The following IL1RAPL1 variants were observed in gnomAD, a reference collection of about 807,000 sequenced individuals.
IL1RAPL1 encodes interleukin-1 receptor accessory protein-like 1.
In IL1RAPL1, 3 loss-of-function variants were observed where a neutral mutation model predicts 48.4. That is an observed-to-expected ratio of 0.06 (90% CI 0.03 to 0.16). IL1RAPL1 has a LOEUF of 0.16. IL1RAPL1 is among the 10% of genes least tolerant of loss of function. The probability of loss-of-function intolerance (pLI) is 1.00; values close to 1 mark genes in which losing one functional copy is unlikely to be tolerated. For missense variants in IL1RAPL1, 349 were observed against 530.6 expected, an observed-to-expected ratio of 0.66 and a Z score of 3.36; for synonymous variants, 185 against 187.7, an observed-to-expected ratio of 0.99 and a Z score of 0.12.
At chrX:29,091,387 C>T (rs957382749) in intron 2 of IL1RAPL1, among the ~76,000 whole-genome samples, 2 of 111,762 alleles carry the variant, frequency 1.8e-5, no homozygotes, top group African/African-American at 6.5e-5. Flanking sequence ...CTCCCCTGCT[C>T]TGCTAATCCC....
intron 3 of IL1RAPL1, among the ~76,000 whole-genome samples, chrX:29,353,646 C>G (rs1378978050): frequency 9.0e-6 from 1 of 110,861 alleles, no homozygotes; most frequent in South Asian, 3.8e-4. Flanking sequence ...AGGGGGAAAT[C>G]AAATAAAATA....
chrX:29,906,291 C>A (rs749183446), intron 6 of IL1RAPL1, among the ~76,000 whole-genome samples: 3 of 101,228 alleles, frequency 3.0e-5, no homozygotes, highest in Non-Finnish European at 4.0e-5. Context: ...GCCCAGATCG[C>A]GCCACTGCAC....
intron 2 of IL1RAPL1, among the ~76,000 whole-genome samples, chrX:28,921,201 A>G (rs905426215): frequency 9.0e-6 from 1 of 111,638 alleles, no homozygotes; most frequent in African/African-American, 3.3e-5. Flanking sequence ...TGGTAATTAT[A>G]AAGACTAAAT....
intron 6 of IL1RAPL1, among the ~76,000 whole-genome samples, chrX:29,703,632 C>T (rs535459714): frequency 5.9e-4 from 66 of 111,743 alleles, no homozygotes; most frequent in African/African-American, 2.0e-3. Context: ...CGTGAGCCAC[C>T]GCGCCCAGAA....
At chrX:29,711,244 C>T (rs897972123) in intron 6 of IL1RAPL1, among the ~76,000 whole-genome samples, 5 of 102,255 alleles carry the variant, frequency 4.9e-5, no homozygotes, top group Non-Finnish European at 7.9e-5. Flanking sequence ...AGTGCAATGG[C>T]GTGATCTCAG....
chrX:29,651,915 G>A (rs541996188), intron 5 of IL1RAPL1, among the ~76,000 whole-genome samples: 1 of 111,233 alleles, frequency 9.0e-6, no homozygotes, highest in South Asian at 3.8e-4. Flanking sequence ...AATTTAATTT[G>A]AAAAAGAAAG....
At chrX:29,207,579 C>T (rs777731432) in intron 2 of IL1RAPL1, among the ~76,000 whole-genome samples, 5 of 111,918 alleles carry the variant, frequency 4.5e-5, no homozygotes, top group African/African-American at 9.7e-5. Flanking sequence ...TTCTTTCTTA[C>T]GAGTTTTAGT....
chrX:29,867,131 A>C (rs933222441), intron 6 of IL1RAPL1, among the ~76,000 whole-genome samples: 5 of 109,759 alleles, frequency 4.6e-5, no homozygotes, highest in Non-Finnish European at 9.4e-5. Context: ...TTCATAATAA[A>C]ATATATATTG....
rs758651532 is a variant in IL1RAPL1 at position 28,898,478 on chromosome X, CT to C, written c.82+109060del. ...GAGTCCAATTTCATTCTTCAAACTT[CT>C]TTTTTTCCCCCTTTTTTTTAGAGCA... On this transcript the variant is annotated intron_variant, in intron 2 of 10. Coordinates refer to ENST00000378993, the MANE Select transcript of IL1RAPL1 (RefSeq NM_014271.4). Among the ~76,000 whole-genome samples the C allele has an allele frequency of 5.4e-5, 6 of 110,974 alleles. No individual in the cohort carries two copies. The Admixed American group carries it at 5.8e-4, about 11-fold the overall frequency.
At chrX:28,805,498 A>G (rs1415696814) in intron 2 of IL1RAPL1, among the ~76,000 whole-genome samples, 1 of 111,380 alleles carries the variant, frequency 9.0e-6, no homozygotes, top group South Asian at 3.7e-4. Flanking sequence ...ATAATGAAGT[A>G]TTGTATCAAT....
intron 6 of IL1RAPL1, among the ~76,000 whole-genome samples, chrX:29,782,100 G>GTCTATCTA (rs57978861): frequency 0.028 from 2,322 of 83,963 alleles, 30 homozygotes; most frequent in East Asian, 0.074. Flanking sequence ...CTGTCTGTCT[G>GTCTATCTA]TCTATCTATC....
At chrX:29,223,243 T>C (rs1301938137) in intron 2 of IL1RAPL1, among the ~76,000 whole-genome samples, 1 of 111,866 alleles carries the variant, frequency 8.9e-6, no homozygotes, top group Non-Finnish European at 1.9e-5. Context: ...CTTTGGACTC[T>C]ATAGGAAAAA....
intron 6 of IL1RAPL1, among the ~76,000 whole-genome samples, chrX:29,807,933 A>T (rs1162422845): frequency 8.9e-6 from 1 of 111,838 alleles, no homozygotes. Context: ...TGGTAATCAA[A>T]GAAATGCTAA....
chrX:28,649,743 T>A (rs1198124028), intron 1 of IL1RAPL1, among the ~76,000 whole-genome samples: 1 of 112,305 alleles, frequency 8.9e-6, no homozygotes, highest in Non-Finnish European at 1.9e-5. Context: ...GATCTGGTGT[T>A]GAGTCACTTC....
At chrX:29,605,277 G>A (rs919252573) in intron 5 of IL1RAPL1, among the ~76,000 whole-genome samples, 3 of 111,469 alleles carry the variant, frequency 2.7e-5, no homozygotes, top group Non-Finnish European at 5.7e-5. Flanking sequence ...AAGCCATCAT[G>A]TCTTTAGACT....
At chrX:28,955,307 G>C (rs1180860574) in intron 2 of IL1RAPL1, among the ~76,000 whole-genome samples, 1 of 110,959 alleles carries the variant, frequency 9.0e-6, no homozygotes, top group Non-Finnish European at 1.9e-5. Context: ...TGTTTTTCTT[G>C]ATAAGTTGTT....
intron 6 of IL1RAPL1, among the ~76,000 whole-genome samples, chrX:29,691,991 G>A (rs745946944): frequency 8.9e-6 from 1 of 112,305 alleles, no homozygotes; most frequent in East Asian, 2.8e-4. Flanking sequence ...ACTGATATGT[G>A]TGTGTTTTGT....
intron 3 of IL1RAPL1, among the ~76,000 whole-genome samples, chrX:29,337,564 T>A (rs778563302): frequency 8.9e-6 from 1 of 111,770 alleles, no homozygotes; most frequent in Non-Finnish European, 1.9e-5. Context: ...AACTTCAATG[T>A]CCCCATCTGA....
intron 2 of IL1RAPL1, among the ~76,000 whole-genome samples, chrX:28,886,184 T>G (rs1466610055): frequency 9.1e-6 from 1 of 110,154 alleles, no homozygotes; most frequent in Non-Finnish European, 1.9e-5. Context: ...CAACTTTGTC[T>G]AAATTCTTCA....
Sources: allele counts gnomAD v4.1 joint callset (sites outside exome capture counted in the v4.1 genomes callset), GRCh38; gene constraint gnomAD v4.1.1; transcripts MANE v1.5; gene names NCBI Gene and HGNC (gene_info 2026-07-23, HGNC 2026-07-21).